Variants in PPFIBP1 observed in about 807,000 individuals in gnomAD.
PPFIBP1 encodes the protein PPFIB scaffold protein 1, also known as liprin-beta-1.
A neutral mutation model predicts 137.8 loss-of-function variants in PPFIBP1; 112 were observed. That is an observed-to-expected ratio of 0.81 (90% CI 0.70 to 0.95). PPFIBP1 has a LOEUF of 0.95. Ranked by LOEUF, PPFIBP1 falls within the 40% of genes least tolerant of loss-of-function variation. PPFIBP1 has a pLI of 0.00. For synonymous variants in PPFIBP1, 378 were observed against 417.3 expected, an observed-to-expected ratio of 0.91 and a Z score of 1.15; for missense variants, 1,083 against 1,196.6, an observed-to-expected ratio of 0.91 and a Z score of 1.40.
At chr12:27,687,266 T>C in intron 24 of PPFIBP1, 119 bp from the exon 25 acceptor site, 1 of 1,236,702 alleles carries the variant, frequency 8.1e-7, no homozygotes, top group Non-Finnish European at 1.1e-6. Flanking sequence ...TGACAAGACC[T>C]TGGGGCATAT....
At position 27,682,319 on chromosome 12, in the gene PPFIBP1, T is replaced by C. The variant is rs2060923984; in HGVS notation, c.2047-68T>C. 8 of 1,070,854 alleles carry C rather than the reference T, an allele frequency of 7.5e-6. No individual in the cohort carries two copies. The South Asian group carries it at 8.1e-5, about 11-fold the overall frequency. 66.3% of individuals were successfully genotyped at this position (1,070,854 alleles called of 1,614,324 possible). ...AATGCTAGCTTCATTTTGGAGAAAT[T>C]TGCATCCTTTGCCAGTGGCACCCAG... On this transcript the variant is annotated intron_variant, in intron 22 of 29. Coordinates refer to ENST00000228425, the MANE Select transcript of PPFIBP1 (RefSeq NM_003622.4).
chr12:27,622,271 C>CA (rs1337490329), intron 2 of PPFIBP1, among the ~76,000 whole-genome samples: 4 of 152,054 alleles, frequency 2.6e-5, no homozygotes, highest in East Asian at 1.9e-4. Flanking sequence ...AGTTTGCCCC[C>CA]CCAGAGCAGT....
At chr12:27,529,509 C>T (rs867405957) in intron 1 of PPFIBP1, among the ~76,000 whole-genome samples, 1 of 152,190 alleles carries the variant, frequency 6.6e-6, no homozygotes, top group East Asian at 1.9e-4. Flanking sequence ...GCCTGGCCAA[C>T]ATGGCAAAAC....
intron 1 of PPFIBP1, among the ~76,000 whole-genome samples, chr12:27,572,357 C>T (rs2050220097): frequency 6.6e-6 from 1 of 152,148 alleles, no homozygotes. Context: ...TTATATAAAA[C>T]TTTATGGCAG....
intron 8 of PPFIBP1, 64 bp from the exon 9 acceptor site, chr12:27,656,552 A>G (rs560398962): frequency 8.5e-5 from 82 of 968,848 alleles, no homozygotes; most frequent in East Asian, 1.9e-4. Flanking sequence ...AAGAGCTAAT[A>G]TGCTCTCTGA....
At position 27,645,237 on chromosome 12, in the gene PPFIBP1, T is replaced by C. The variant is rs1229520061; in HGVS notation, c.271-825T>C. Among the ~76,000 whole-genome samples, 5 of 152,328 alleles carry C rather than the reference T, an allele frequency of 3.3e-5. No homozygotes were observed. In the East Asian group the frequency reaches 9.6e-4, roughly 29 times the overall value. ...GGGATTACATTATCTTATGGTTATG[T>C]TGAGATTATGAGAGACACCACTTAT... is the stretch of plus-strand genomic sequence containing the variant. On this transcript the variant is annotated intron_variant, in intron 4 of 29. Coordinates refer to ENST00000228425, the MANE Select transcript of PPFIBP1 (RefSeq NM_003622.4).
At chr12:27,576,011 G>T (rs10506026) in intron 1 of PPFIBP1, among the ~76,000 whole-genome samples, 60,493 of 151,932 alleles carry the variant, frequency 0.4, 12,718 homozygotes, top group East Asian at 0.57. Flanking sequence ...ATTCAGTCCT[G>T]GTTAGGCCAA....
intron 2 of PPFIBP1, among the ~76,000 whole-genome samples, chr12:27,612,574 C>T (rs1360978984): frequency 6.6e-6 from 1 of 151,938 alleles, no homozygotes; most frequent in Admixed American, 6.6e-5. Flanking sequence ...TCTTGAAACT[C>T]CTGGGCTTAA....
intron 2 of PPFIBP1, among the ~76,000 whole-genome samples, chr12:27,585,564 G>C (rs1000072787): frequency 6.6e-6 from 1 of 152,320 alleles, no homozygotes; most frequent in East Asian, 1.9e-4. Flanking sequence ...TGGGCCAGGG[G>C]CTTTGGAGCA....
chr12:27,655,172 A>G (rs1399299808), intron 8 of PPFIBP1: 3 of 1,535,672 alleles, frequency 2.0e-6, no homozygotes, highest in Admixed American at 2.0e-5. Flanking sequence ...CTAGCATGAA[A>G]ATCAAGGTGG....
At chr12:27,601,401 G>A (rs2053969616) in intron 2 of PPFIBP1, among the ~76,000 whole-genome samples, 1 of 152,194 alleles carries the variant, frequency 6.6e-6, no homozygotes, top group African/African-American at 2.4e-5. Flanking sequence ...TTCCCAAACA[G>A]ATACAACCTT....
chr12:27,634,131 G>A lies in PPFIBP1; in HGVS notation c.64+671G>A, dbSNP rs1297585644. The stretch of plus-strand genomic sequence containing the variant: ...ATTACAGGCGTGAGCCACCGTACCC[G>A]GCCATATCTTTTTTTTTTTTTTTTT... On this transcript the variant is annotated intron_variant, in intron 3 of 29. Coordinates refer to ENST00000228425, the MANE Select transcript of PPFIBP1 (RefSeq NM_003622.4). Among the ~76,000 whole-genome samples, 12 of 149,076 alleles carry A rather than the reference G, an allele frequency of 8.0e-5. 1 individual carries two copies. The highest frequency in any genetic ancestry group is 2.2e-4 in the African/African-American group (9 of 40,446).
At chr12:27,551,486 T>C (rs909607805) in intron 1 of PPFIBP1, among the ~76,000 whole-genome samples, 2 of 152,188 alleles carry the variant, frequency 1.3e-5, no homozygotes, top group Non-Finnish European at 2.9e-5. Context: ...AAAAGGAACA[T>C]TGTAAATTAG....
At chr12:27,600,409 C>T (rs2053840889) in intron 2 of PPFIBP1, among the ~76,000 whole-genome samples, 1 of 150,248 alleles carries the variant, frequency 6.7e-6, no homozygotes, top group Non-Finnish European at 1.5e-5. Flanking sequence ...GCACTCCAGC[C>T]TGGGCAACAA....
At chr12:27,549,308 G>A (rs936623688) in intron 1 of PPFIBP1, 1 of 151,488 alleles carries the variant, frequency 6.6e-6, no homozygotes, top group African/African-American at 2.4e-5. Context: ...AGGGCAGAGC[G>A]ATTTAACTTT....
intron 9 of PPFIBP1, among the ~76,000 whole-genome samples, chr12:27,657,721 C>T (rs1228579230): frequency 6.6e-6 from 1 of 152,040 alleles, no homozygotes; most frequent in East Asian, 1.9e-4. Flanking sequence ...CTTCACCGCC[C>T]CACCCCATCA....
At chr12:27,587,478 C>T (rs1294328114) in intron 2 of PPFIBP1, among the ~76,000 whole-genome samples, 4 of 151,736 alleles carry the variant, frequency 2.6e-5, no homozygotes, top group Non-Finnish European at 5.9e-5. Flanking sequence ...AAAAAATTAG[C>T]TGGGCGTGGT....
chr12:27,635,566 G>A (rs1007823481), intron 4 of PPFIBP1: 3 of 188,162 alleles, frequency 1.6e-5, no homozygotes, highest in Non-Finnish European at 3.3e-5. Context: ...CCATCTAGTG[G>A]TTTATGGCAA....
rs199511767 is a variant in PPFIBP1 at position 27,671,150 on chromosome 12, A to AC, written c.1147-281_1147-280insC. Among the ~76,000 whole-genome samples the AC allele has an allele frequency of 4.2e-3, 637 of 152,282 alleles. 27 individuals carry two copies. The East Asian group carries it at 0.1, about 25-fold the overall frequency. On this transcript the variant is annotated intron_variant, in intron 13 of 29. Transcript: ENST00000228425. ...AGACGCCGTCTCAAAAAAAAGAAAA[A>AC]AAAATTACTATTAACTTACTTAATG...
Sources: allele counts gnomAD v4.1 joint callset (sites outside exome capture counted in the v4.1 genomes callset), GRCh38; gene constraint gnomAD v4.1.1; transcripts MANE v1.5; gene names NCBI Gene and HGNC (gene_info 2026-07-23, HGNC 2026-07-21).